The following FBXL17 variants were observed in gnomAD, a reference collection of about 807,000 sequenced individuals.
FBXL17 encodes F-box/LRR-repeat protein 17.
FBXL17 carries 22 observed loss-of-function variants against 66.2 expected under a neutral mutation model. That is an observed-to-expected ratio of 0.33 (90% CI 0.24 to 0.47). FBXL17 has a LOEUF of 0.47. FBXL17 is among the 20% of genes least tolerant of loss of function. The pLI is 1.00. For synonymous variants in FBXL17, 474 were observed against 400.5 expected, an observed-to-expected ratio of 1.18 and a Z score of -2.19; for missense variants, 878 against 948.2, an observed-to-expected ratio of 0.93 and a Z score of 0.97.
In FBXL17 at chr5:107,972,019, T is replaced by C. The variant is rs191783458; in HGVS notation, c.1822+48906A>G. ...AGCTCTTTAGAGCCCTCTCTGAACA[T>C]GTATTTGAATTCTGAGCATGTAGCA... On this transcript the variant is annotated intron_variant, in intron 7 of 8. Transcript: ENST00000542267. 3.6e-3 allele frequency among the ~76,000 whole-genome samples: 543 copies of C among 152,336 alleles called. 5 individuals are homozygous for C. The highest frequency in any genetic ancestry group is 0.017 in the Middle Eastern group (5 of 294).
chr5:108,212,371 T>A (rs2150062507), intron 5 of FBXL17, among the ~76,000 whole-genome samples: 1 of 152,348 alleles, frequency 6.6e-6, no homozygotes, highest in South Asian at 2.1e-4. Flanking sequence ...TTTTGTTCTC[T>A]TGCTGGCGAG....
chr5:107,934,622 C>T (rs902854268), intron 7 of FBXL17, among the ~76,000 whole-genome samples: 1 of 152,066 alleles, frequency 6.6e-6, no homozygotes, highest in African/African-American at 2.4e-5. Context: ...TCTCACTAGG[C>T]ACTTTATTTT....
chr5:108,128,873 A>G (rs1201832038), intron 6 of FBXL17, among the ~76,000 whole-genome samples: 1 of 152,172 alleles, frequency 6.6e-6, no homozygotes, highest in Non-Finnish European at 1.5e-5. Context: ...AACAGGAACA[A>G]CTAGATATTT....
intron 6 of FBXL17, among the ~76,000 whole-genome samples, chr5:108,068,775 C>T (rs1281425585): frequency 1.3e-5 from 2 of 152,178 alleles, no homozygotes; most frequent in East Asian, 3.9e-4. Context: ...TAATTTCTAA[C>T]AGACTTTTTC....
chr5:107,877,036 C>G (rs868628995), intron 8 of FBXL17, among the ~76,000 whole-genome samples: 6 of 152,206 alleles, frequency 3.9e-5, no homozygotes, highest in African/African-American at 1.4e-4. Flanking sequence ...TATAAGCTCA[C>G]CCCAATTCAT....
intron 4 of FBXL17, among the ~76,000 whole-genome samples, chr5:108,330,562 C>A (rs1395668373): frequency 1.3e-5 from 2 of 152,078 alleles, no homozygotes; most frequent in Non-Finnish European, 2.9e-5. Flanking sequence ...ACACACAAAT[C>A]AACAAATATA....
chr5:108,297,627 T>C (rs1391417522), intron 4 of FBXL17: 1 of 163,768 alleles, frequency 6.1e-6, no homozygotes, highest in Non-Finnish European at 1.3e-5. Context: ...AGAATCATAC[T>C]GACTGATCAT....
At chr5:107,944,385 A>C (rs1213667203) in intron 7 of FBXL17, among the ~76,000 whole-genome samples, 3 of 152,206 alleles carry the variant, frequency 2.0e-5, no homozygotes, top group Non-Finnish European at 4.4e-5. Flanking sequence ...CTGCTCTCAG[A>C]ATCACTTTAT....
intron 7 of FBXL17, among the ~76,000 whole-genome samples, chr5:107,946,089 A>G (rs990949677): frequency 6.6e-5 from 10 of 151,158 alleles, no homozygotes; most frequent in Non-Finnish European, 1.0e-4. Context: ...TTTGAAAATA[A>G]GGAAATGGAA....
chr5:108,021,825 T>C (rs1424848753), intron 6 of FBXL17, among the ~76,000 whole-genome samples: 1 of 151,858 alleles, frequency 6.6e-6, no homozygotes, highest in Non-Finnish European at 1.5e-5. Flanking sequence ...CACCCTTCAA[T>C]GCAGTCCCTC....
intron 7 of FBXL17, among the ~76,000 whole-genome samples, chr5:107,996,102 C>T (rs926301576): frequency 6.6e-6 from 1 of 152,208 alleles, no homozygotes; most frequent in African/African-American, 2.4e-5. Context: ...GCTCAAAAAA[C>T]ATGACAAATG....
chr5:108,055,301 A>C (rs1217924421), intron 6 of FBXL17, among the ~76,000 whole-genome samples: 2,692 of 34,226 alleles, frequency 0.079, 62 homozygotes, highest in Non-Finnish European at 0.11. Flanking sequence ...AAAAAAAAAA[A>C]AAAAAAAAAA....
At chr5:108,073,215 G>A (rs570341351) in intron 6 of FBXL17, among the ~76,000 whole-genome samples, 4 of 152,160 alleles carry the variant, frequency 2.6e-5, no homozygotes, top group South Asian at 2.1e-4. Context: ...GATAAAAATC[G>A]GAAAAACAAC....
chr5:108,009,233 ACAGCTTGGTCGTGAGTTGTTCCCTGTTT>A (rs1172397632), intron 7 of FBXL17, among the ~76,000 whole-genome samples: 50 of 58,598 alleles, frequency 8.5e-4, no homozygotes, highest in African/African-American at 2.1e-3. Context: ...ATATATATAT[ACAGCTTGGTCGTGAGTTGTTCCCTGTTT>A]TATATATATA....
chr5:108,118,977 CA>C (rs1281603936), intron 6 of FBXL17, among the ~76,000 whole-genome samples: 2 of 152,170 alleles, frequency 1.3e-5, no homozygotes, highest in African/African-American at 4.8e-5. Flanking sequence ...CTATCCTTTA[CA>C]TATTTCCTTT....
At chr5:108,223,937 G>C (rs954952564) in intron 5 of FBXL17, among the ~76,000 whole-genome samples, 184 bp downstream of exon 5, 2 of 152,058 alleles carry the variant, frequency 1.3e-5, no homozygotes, top group Non-Finnish European at 2.9e-5. Context: ...TTGTTTAAAT[G>C]AGTATTCCAT....
intron 3 of FBXL17, among the ~76,000 whole-genome samples, chr5:108,351,708 G>T (rs960319507): frequency 6.6e-6 from 1 of 152,078 alleles, no homozygotes; most frequent in African/African-American, 2.4e-5. Flanking sequence ...CTATTTCTTC[G>T]TCATACTTAT....
chr5:108,180,313 C>G (rs927198152), intron 6 of FBXL17, among the ~76,000 whole-genome samples: 2 of 152,008 alleles, frequency 1.3e-5, no homozygotes, highest in Non-Finnish European at 2.9e-5. Context: ...GAGTTCTAGA[C>G]CAGCCTGGCC....
chr5:108,306,845 C>T (rs73214589), intron 4 of FBXL17, among the ~76,000 whole-genome samples: 2,468 of 151,892 alleles, frequency 0.016, 63 homozygotes, highest in African/African-American at 0.054. Flanking sequence ...CACTTGTGAG[C>T]ACATTAAAAA....
Sources: allele counts gnomAD v4.1 joint callset (sites outside exome capture counted in the v4.1 genomes callset), GRCh38; gene constraint gnomAD v4.1.1; transcripts MANE v1.5; gene names NCBI Gene and HGNC (gene_info 2026-07-23, HGNC 2026-07-21).